Variants in RNF157 observed in about 807,000 individuals in gnomAD.
The protein encoded by RNF157 is E3 ubiquitin ligase RNF157.
RNF157 carries 55 observed loss-of-function variants against 88.3 expected under a neutral mutation model. The ratio of observed to expected loss-of-function variants is 0.62; its 90% CI spans 0.50 to 0.78. The LOEUF (loss-of-function observed/expected upper bound fraction) is 0.78, where lower values mean the gene tolerates loss of function less well. RNF157 is among the 30% of genes least tolerant of loss of function. RNF157 has a pLI of 0.00. For missense variants in RNF157, 788 were observed against 860.8 expected (o/e 0.92, Z 1.06); for synonymous variants, 334 against 341.2 (o/e 0.98, Z 0.23).
chr17:76,170,294 C>G (rs530421360), intron 3 of RNF157, among the ~76,000 whole-genome samples: 13 of 152,062 alleles, frequency 8.5e-5, no homozygotes, highest in East Asian at 7.8e-4. Flanking sequence ...GTGCTGTGAT[C>G]GTGACTCATT....
At position 76,152,441 on chromosome 17, in the gene RNF157, C is replaced by T. The variant is rs1278729817; in HGVS notation, c.1835G>A (p.Gly612Asp). 18 of 1,613,324 alleles carry T rather than the reference C, an allele frequency of 1.1e-5. No homozygotes were observed. Among genetic ancestry groups the T allele is most frequent in the Non-Finnish European group, 1.4e-5 (16 of 1,179,356 alleles). ...QEGQRTCAFL[G>D]MECDNNNDFD... ...GTCATTGTTATTGTCACACTCCATA[C>T]CTAGAAATGCGCACGTCCTCTGGCC... Residue 612 changes from glycine (G) to aspartate (D), a missense_variant, in exon 18 of 19, where the codon GGT becomes GAT. By Grantham distance (94) the Gly-to-Asp change is moderately conservative. Coordinates refer to ENST00000269391, the MANE Select transcript of RNF157 (RefSeq NM_052916.3).
In RNF157 at chr17:76,157,867, C is replaced by T. The variant is rs2068789709; in HGVS notation, c.1413+526G>A. Among the ~76,000 whole-genome samples the T allele has an allele frequency of 6.6e-6, 1 of 152,154 alleles. No homozygotes were observed. The highest frequency in any genetic ancestry group is 1.5e-5 in the Non-Finnish European group (1 of 68,024). On this transcript the variant is annotated intron_variant, in intron 13 of 18. Transcript: ENST00000269391. The surrounding 1 kb of genome is among the most constrained non-coding windows in gnomAD (Gnocchi z 5.6). ...TCCAGCCTTCTCTTCCATTCTTCCA[C>T]ATGGGCCTCCCGACACCCCCCACTT...
chr17:76,202,987 G>T (rs1046947209), intron 2 of RNF157, among the ~76,000 whole-genome samples: 1 of 152,106 alleles, frequency 6.6e-6, no homozygotes, highest in Non-Finnish European at 1.5e-5. Flanking sequence ...ATGCAAATTA[G>T]ATTGTAATAG....
chr17:76,166,363 C>T, intron 6 of RNF157, 98 bp downstream of exon 6: 1 of 977,834 alleles, frequency 1.0e-6, no homozygotes, highest in Non-Finnish European at 1.6e-6. Flanking sequence ...CACAAACACC[C>T]ACAAAGAAGG....
rs552814695 is a variant in RNF157, at chr17:76,152,219, G to T, written c.1921+136C>A. On this transcript the variant is annotated intron_variant, in intron 18 of 18. Transcript: ENST00000269391. ...GCCTTCTTACTTCCTTCAGCAACTG[G>T]TCTCCAGCACTAGCACACCCCAGGC... 291 of 652,362 alleles carry T rather than the reference G, an allele frequency of 4.5e-4. 1 individual carries two copies. In the African/African-American group the frequency reaches 4.8e-3, roughly 11 times the overall value. The allele number at this position is 652,362 out of a possible 1,614,324, so 40.4% of individuals were successfully genotyped here.
At chr17:76,210,293 G>C (rs1353610079) in intron 2 of RNF157, among the ~76,000 whole-genome samples, 1 of 152,038 alleles carries the variant, frequency 6.6e-6, no homozygotes, top group Non-Finnish European at 1.5e-5. Flanking sequence ...GGTCACTCCA[G>C]ATAGAAAGGA....
chr17:76,187,074 A>G (rs939875445), intron 2 of RNF157, among the ~76,000 whole-genome samples: 3 of 152,188 alleles, frequency 2.0e-5, no homozygotes, highest in Non-Finnish European at 4.4e-5. Flanking sequence ...ATGGAATTCA[A>G]AGCCCTGGCA....
At chr17:76,194,367 C>G (rs146393106) in intron 2 of RNF157, among the ~76,000 whole-genome samples, 1 of 152,164 alleles carries the variant, frequency 6.6e-6, no homozygotes, top group Non-Finnish European at 1.5e-5. Flanking sequence ...TAGAACACCA[C>G]GCACTCAGCC....
At chr17:76,234,051 C>A (rs891214111) in intron 1 of RNF157, among the ~76,000 whole-genome samples, 2 of 152,204 alleles carry the variant, frequency 1.3e-5, no homozygotes, top group Non-Finnish European at 2.9e-5. Context: ...GGCACAGCCA[C>A]TGCGCCACTG....
Position 76,146,373 on chromosome 17 carries a change from G to A in RNF157, c.1922-1020C>T. ...GACTCCTAGAATAGCCTGTGCTCAG[G>A]CTCCTCCAGGCCATCTCGCCTCTCC... On this transcript the variant is annotated intron_variant, in intron 18 of 18. Coordinates refer to ENST00000269391, the MANE Select transcript of RNF157 (RefSeq NM_052916.3). This position sits in a 1 kb window ranked among gnomAD's most constrained non-coding sequence, Gnocchi z 4.2. 1 of 985,544 alleles carries A rather than the reference G, an allele frequency of 1.0e-6. No individual in the cohort carries two copies. The highest frequency in any genetic ancestry group is 1.2e-6 in the Non-Finnish European group (1 of 830,046). 61.0% of individuals were successfully genotyped at this position (985,544 alleles called of 1,614,324 possible). A position where few individuals can be genotyped will look rare whatever the true frequency, so the allele number is the denominator to read the frequency against.
rs1486539386 is a variant in RNF157 at position 76,144,260 on chromosome 17, C to T, written c.*975G>A. The T allele has an allele frequency of 6.6e-6, 1 of 151,894 alleles. No homozygotes were observed. The highest frequency in any genetic ancestry group is 1.5e-5 in the Non-Finnish European group (1 of 68,000). 9.4% of individuals were successfully genotyped at this position (151,894 alleles called of 1,614,324 possible). ...GCAGGCCTCCCTGAATGCACCTGATCAGGAGAAATGCTCCTTAAGGGAAAT... is the reference window on the plus strand; with the variant it reads ...GCAGGCCTCCCTGAATGCACCTGATTAGGAGAAATGCTCCTTAAGGGAAAT... On this transcript the variant is annotated 3_prime_UTR_variant, in exon 19 of 19. Coordinates refer to ENST00000269391, the MANE Select transcript of RNF157 (RefSeq NM_052916.3).
intron 2 of RNF157, among the ~76,000 whole-genome samples, chr17:76,185,241 G>A (rs1025871069): frequency 3.3e-5 from 5 of 152,156 alleles, no homozygotes; most frequent in African/African-American, 1.2e-4. Flanking sequence ...CCCCAGATAG[G>A]AAGCCTCCCT....
chr17:76,152,999 TA>T (rs2068704730), intron 17 of RNF157: 1 of 152,738 alleles, frequency 6.5e-6, no homozygotes, highest in South Asian at 2.1e-4. Flanking sequence ...TTTCCTTCTT[TA>T]TGAGACCTGA....
intron 2 of RNF157, among the ~76,000 whole-genome samples, chr17:76,183,936 TC>T (rs1313863903): frequency 6.6e-6 from 1 of 152,142 alleles, no homozygotes; most frequent in Non-Finnish European, 1.5e-5. Flanking sequence ...ACACCTGTAA[TC>T]CCAGCACTTT....
Position 76,173,732 on chromosome 17 carries a change from T to G in RNF157, c.266A>C (p.Asn89Thr). ...EPVKTLRSLV[N>T]IRKDTLRLVK... ...GAGCCTCAGTGTGTCCTTTCGGATA[T>G]TGACCAGGCTTCTCAGAGTCTTCAC... The change falls in exon 3 of 19, where the codon AAT becomes ACT. Residue 89 changes from asparagine to threonine, a missense_variant. Asn to Thr is a moderately conservative substitution (Grantham distance 65). Transcript: ENST00000269391. 1.2e-6 allele frequency: 2 copies of G among 1,610,674 alleles called. No individual in the cohort carries two copies. The highest frequency in any genetic ancestry group is 4.5e-5 in the East Asian group (2 of 44,828).
At chr17:76,202,930 A>C (rs1045585881) in intron 2 of RNF157, 15 of 152,242 alleles carry the variant, frequency 9.9e-5, no homozygotes, top group African/African-American at 3.6e-4. Context: ...TGTCTCTCTG[A>C]TTCATTACCT....
chr17:76,156,139 G>A (rs1409591527), intron 14 of RNF157, 71 bp downstream of exon 14: 2 of 1,219,394 alleles, frequency 1.6e-6, no homozygotes, highest in Non-Finnish European at 2.4e-6. Context: ...TCCCTTCCCG[G>A]AAGAAGCACC....
intron 2 of RNF157, among the ~76,000 whole-genome samples, chr17:76,174,355 T>C (rs887146321): frequency 1.3e-5 from 2 of 152,198 alleles, no homozygotes; most frequent in Admixed American, 1.3e-4. Flanking sequence ...AGAGTTATTT[T>C]GGGGTCACCA....
Position 76,167,779 on chromosome 17 carries a change from C to T in RNF157, c.315G>A (p.Lys105=), listed in dbSNP as rs74329025. The T allele has an allele frequency of 1.2e-3, 1,980 of 1,614,034 alleles. 19 individuals carry two copies. In the African/African-American group the frequency reaches 0.023, roughly 19 times the overall value. ...LRLVKCAEEV[K]SPGEEASKAK... is the part of the protein sequence containing the mutation. ...CTTTACTGGCCTCTTCTCCAGGGCT[C>T]TTCACTTCCTCAGCACATCTAGAAA... Residue 105 remains lysine, a synonymous_variant, in exon 4 of 19, where the codon AAG becomes AAA. Coordinates refer to ENST00000269391, the MANE Select transcript of RNF157 (RefSeq NM_052916.3).
Sources: allele counts gnomAD v4.1 joint callset (sites outside exome capture counted in the v4.1 genomes callset), GRCh38; gene constraint gnomAD v4.1.1; non-coding constraint Gnocchi (gnomAD v3.1); transcripts MANE v1.5; gene names NCBI Gene and HGNC (gene_info 2026-07-23, HGNC 2026-07-21).